AFF1: variants seen among roughly 807,000 people sequenced by gnomAD.
AFF1 encodes ALF transcription elongation factor 1.
AFF1 carries 48 observed loss-of-function variants against 121.7 expected under a neutral mutation model. The ratio of observed to expected loss-of-function variants is 0.39; its 90% CI spans 0.31 to 0.50. The LOEUF is 0.50. Among genes scored for constraint, AFF1 ranks in the 20% least tolerant of loss-of-function variants. The pLI, the probability that AFF1 is intolerant of heterozygous loss-of-function variation, is 0.76. For synonymous variants in AFF1, 613 were observed against 563.0 expected, an observed-to-expected ratio of 1.09 and a Z score of -1.26; for missense variants, 1,523 against 1,511.7, an observed-to-expected ratio of 1.01 and a Z score of -0.12.
At chr4:87,046,594 T>C (rs771627478) in intron 3 of AFF1, 101 bp from the exon 4 acceptor site, 1 of 1,273,118 alleles carries the variant, frequency 7.9e-7, no homozygotes. Context: ...TGTCGTACAT[T>C]AAGTTCGGAG....
chr4:87,087,442 A>T (rs1372265717), intron 5 of AFF1, among the ~76,000 whole-genome samples: 1 of 152,246 alleles, frequency 6.6e-6, no homozygotes, highest in African/African-American at 2.4e-5. Flanking sequence ...AATTAGAACT[A>T]GACAGTGTCT....
At chr4:87,075,929 TATTC>T (rs1403426111) in intron 4 of AFF1, among the ~76,000 whole-genome samples, 1 of 152,206 alleles carries the variant, frequency 6.6e-6, no homozygotes, top group Non-Finnish European at 1.5e-5. Flanking sequence ...CAAAATCGAG[TATTC>T]ATTTTATAAA....
intron 2 of AFF1, among the ~76,000 whole-genome samples, chr4:86,991,397 A>G (rs1044924387): frequency 2.5e-4 from 38 of 152,056 alleles, no homozygotes; most frequent in African/African-American, 8.4e-4. Context: ...GTGAGCAGAG[A>G]TCGCCCCACT....
intron 2 of AFF1, among the ~76,000 whole-genome samples, chr4:86,953,337 A>T (rs762717314): frequency 3.9e-5 from 6 of 152,234 alleles, no homozygotes; most frequent in Non-Finnish European, 7.3e-5. Context: ...AGAAAAAAAC[A>T]TTAAATTCAT....
chr4:87,098,045 T>TA (rs1431419819), intron 8 of AFF1, among the ~76,000 whole-genome samples: 1 of 152,188 alleles, frequency 6.6e-6, no homozygotes, highest in Non-Finnish European at 1.5e-5. Context: ...CACTTTGATT[T>TA]AAAAAACCAA....
chr4:87,119,859 G>C (rs997778995), intron 12 of AFF1, among the ~76,000 whole-genome samples: 3 of 152,196 alleles, frequency 2.0e-5, no homozygotes, highest in African/African-American at 7.2e-5. Context: ...TGAAGAGTGA[G>C]GAAGGGAAGT....
intron 2 of AFF1, among the ~76,000 whole-genome samples, chr4:86,995,483 C>T (rs1302976882): frequency 2.0e-5 from 3 of 151,806 alleles, no homozygotes; most frequent in Admixed American, 6.6e-5. Flanking sequence ...GACTGGTTTT[C>T]GTATTTTTTT....
chr4:87,138,683 C>G lies in AFF1; in HGVS notation c.*2982C>G. 1 of 231,430 alleles carries G rather than the reference C, an allele frequency of 4.3e-6. No homozygotes were observed. The highest frequency in any genetic ancestry group is 6.1e-5 in the East Asian group (1 of 16,346). 14.3% of individuals were successfully genotyped at this position (231,430 alleles called of 1,614,324 possible). ...GGGTTCGGATTGTGAAAACATTGGCCACCTAGTAGCAGTGGTGAGGAGTGG... is the reference window on the plus strand; with the variant it reads ...GGGTTCGGATTGTGAAAACATTGGCGACCTAGTAGCAGTGGTGAGGAGTGG... On this transcript the variant is annotated 3_prime_UTR_variant, in exon 21 of 21. Coordinates refer to ENST00000395146, the MANE Select transcript of AFF1 (RefSeq NM_001166693.3).
intron 2 of AFF1, chr4:87,006,949 G>A (rs1726194375): frequency 2.9e-6 from 3 of 1,028,770 alleles, no homozygotes; most frequent in African/African-American, 3.4e-5. Context: ...TTGACAGGGG[G>A]TATCCCGGCG....
At chr4:86,966,547 A>G (rs1722551444) in intron 2 of AFF1, among the ~76,000 whole-genome samples, 1 of 151,644 alleles carries the variant, frequency 6.6e-6, no homozygotes, top group South Asian at 2.1e-4. Flanking sequence ...AAGCAGAAAT[A>G]TTGTGTATAT....
rs539167613 is a variant in AFF1, at chr4:87,014,009, AT to A, written c.39-32152del. On this transcript the variant is annotated intron_variant, in intron 2 of 20. Transcript: ENST00000395146. The stretch of plus-strand genomic sequence containing the variant: ...ATATCATATATGCTTATAAATACAC[AT>A]TTTTCCCCTCCTATTGAAACAGACT... Among the ~76,000 whole-genome samples, 155 of 152,148 alleles carry A rather than the reference AT, an allele frequency of 1.0e-3. 1 individual carries two copies. Among genetic ancestry groups the A allele is most frequent in the African/African-American group, 3.6e-3 (150 of 41,504 alleles).
intron 5 of AFF1, 25 bp from the exon 6 acceptor site, chr4:87,089,959 C>T (rs780149024): frequency 1.3e-6 from 2 of 1,577,766 alleles, no homozygotes; most frequent in East Asian, 2.2e-5. Context: ...TTTACTTTTT[C>T]TTCCCTTTCC....
chr4:86,984,375 T>C (rs1327717599), intron 2 of AFF1, among the ~76,000 whole-genome samples: 2 of 150,964 alleles, frequency 1.3e-5, no homozygotes, highest in Non-Finnish European at 3.0e-5. Flanking sequence ...TTGCCCAGGC[T>C]GAGGTGCAGT....
rs1178223681 is a variant in AFF1, at chr4:87,111,093, C to T, written c.1533+2778C>T. ...CGCGATCTCGGCTCACTGCAAGCTC[C>T]GCCTCCCGGGTTCACGCCATTCTCC... is the stretch of plus-strand genomic sequence containing the variant. On this transcript the variant is annotated intron_variant, in intron 11 of 20. Coordinates refer to ENST00000395146, the MANE Select transcript of AFF1 (RefSeq NM_001166693.3). Among the ~76,000 whole-genome samples, 21 of 82,406 alleles carry T rather than the reference C, an allele frequency of 2.5e-4. 8 individuals are homozygous for T. Among genetic ancestry groups the T allele is most frequent in the Non-Finnish European group, 3.7e-4 (14 of 38,000 alleles). 54.1% of individuals were successfully genotyped at this position (82,406 alleles called of 152,430 possible).
intron 2 of AFF1, among the ~76,000 whole-genome samples, chr4:86,978,953 T>C (rs1441385881): frequency 6.6e-6 from 1 of 152,208 alleles, no homozygotes; most frequent in African/African-American, 2.4e-5. Context: ...TATAACTCTT[T>C]GCTCAGACTG....
chr4:87,007,304 C>A, intron 2 of AFF1: 1 of 1,580,652 alleles, frequency 6.3e-7, no homozygotes, highest in Non-Finnish European at 8.6e-7. Context: ...CGCCGGGACG[C>A]GTCCCCGCCC....
chr4:86,944,301 G>A (rs905258935), intron 1 of AFF1, among the ~76,000 whole-genome samples: 2 of 151,898 alleles, frequency 1.3e-5, no homozygotes, highest in East Asian at 1.9e-4. Context: ...TTATGTCCCC[G>A]ACGACAATCC....
chr4:87,091,691 T>C (rs1409161785), intron 6 of AFF1, 102 bp from the exon 7 acceptor site: 1 of 775,180 alleles, frequency 1.3e-6, no homozygotes, highest in Non-Finnish European at 2.1e-6. Context: ...TATTTGAAAG[T>C]TTCATAAGAC....
At position 87,111,086 on chromosome 4, in the gene AFF1, C is replaced by T. The variant is rs868570707; in HGVS notation, c.1533+2771C>T. 8.3e-3 allele frequency among the ~76,000 whole-genome samples: 680 copies of T among 81,922 alleles called. 171 individuals carry two copies. The highest frequency in any genetic ancestry group is 0.027 in the African/African-American group (627 of 23,584). The allele number at this position is 81,922 out of a possible 152,430, so 53.7% of individuals were successfully genotyped here. On this transcript the variant is annotated intron_variant, in intron 11 of 20. Transcript: ENST00000395146. Reference sequence around the variant, plus strand: ...GCAGTGGCGCGATCTCGGCTCACTGCAAGCTCCGCCTCCCGGGTTCACGCC... The same window carrying T: ...GCAGTGGCGCGATCTCGGCTCACTGTAAGCTCCGCCTCCCGGGTTCACGCC...
Sources: allele counts gnomAD v4.1 joint callset (sites outside exome capture counted in the v4.1 genomes callset), GRCh38; gene constraint gnomAD v4.1.1; transcripts MANE v1.5; gene names NCBI Gene and HGNC (gene_info 2026-07-23, HGNC 2026-07-21).